The following YTHDC2 variants were observed in gnomAD, a reference collection of about 807,000 sequenced individuals.
The protein encoded by YTHDC2 is YTH N6-methyladenosine RNA binding protein C2.
In YTHDC2, 45 loss-of-function variants were observed where a neutral mutation model predicts 174.9. That is an observed-to-expected ratio of 0.26 (90% CI 0.20 to 0.33). The LOEUF (loss-of-function observed/expected upper bound fraction) is 0.33. Among genes scored for constraint, YTHDC2 ranks in the 10% least tolerant of loss-of-function variants. The pLI is 1.00. For synonymous variants in YTHDC2, 657 were observed against 574.5 expected, an observed-to-expected ratio of 1.14 and a Z score of -2.05; for missense variants, 1,650 against 1,723.7, an observed-to-expected ratio of 0.96 and a Z score of 0.76.
chr5:113,548,930 T>C, intron 11 of YTHDC2, 25 bp from the exon 12 acceptor site: 4 of 1,604,294 alleles, frequency 2.5e-6, no homozygotes, highest in Non-Finnish European at 3.4e-6. Context: ...TGATGACATC[T>C]TATATATCCT....
intron 9 of YTHDC2, among the ~76,000 whole-genome samples, 180 bp downstream of exon 9, chr5:113,541,296 A>C (rs767545462): frequency 6.7e-6 from 1 of 150,298 alleles, no homozygotes; most frequent in Non-Finnish European, 1.5e-5. Context: ...GGTTCACGCC[A>C]TTCTCCTGCC....
At chr5:113,550,695 A>G (rs1431475968) in intron 12 of YTHDC2, among the ~76,000 whole-genome samples, 4 of 152,168 alleles carry the variant, frequency 2.6e-5, no homozygotes, top group Admixed American at 6.6e-5. Flanking sequence ...ACAATAGAAT[A>G]GTCCTAAGCA....
chr5:113,571,009 A>G (rs544402391), intron 23 of YTHDC2, among the ~76,000 whole-genome samples: 1 of 152,170 alleles, frequency 6.6e-6, no homozygotes, highest in African/African-American at 2.4e-5. Context: ...TGAACTTCCA[A>G]TCCTATGTTG....
rs1464742935 is a variant in YTHDC2, at chr5:113,563,465, T to C, written c.2415T>C (p.Ile805=). ...CTCCTGAACCTCCACCAGCTTTAATTGTAAGAAATGCTGTACAAATGCTTA... is the reference window on the plus strand; with the variant it reads ...CTCCTGAACCTCCACCAGCTTTAATCGTAAGAAATGCTGTACAAATGCTTA... ...MKAPEPPPAL[I]VRNAVQMLKT... Residue 805 remains isoleucine, a synonymous_variant, in exon 19 of 30, where the codon ATT becomes ATC. Coordinates refer to ENST00000161863, the MANE Select transcript of YTHDC2 (RefSeq NM_022828.5). 5.6e-6 allele frequency: 9 copies of C among 1,610,158 alleles called. No individual in the cohort carries two copies. The highest frequency in any genetic ancestry group is 5.5e-5 in the South Asian group (5 of 90,116).
chr5:113,539,942 C>A (rs1412587379), intron 8 of YTHDC2, among the ~76,000 whole-genome samples: 2 of 152,062 alleles, frequency 1.3e-5, no homozygotes, highest in Non-Finnish European at 2.9e-5. Context: ...TGTTCTATTA[C>A]TCAGGCTGGA....
intron 3 of YTHDC2, 31 bp from the exon 4 acceptor site, chr5:113,526,555 A>C (rs1774251775): frequency 1.3e-6 from 2 of 1,537,180 alleles, no homozygotes; most frequent in East Asian, 2.4e-5. Flanking sequence ...TGTTGATCAT[A>C]CATTTTTTGT....
intron 4 of YTHDC2, among the ~76,000 whole-genome samples, chr5:113,531,913 A>C (rs1011257177): frequency 6.6e-6 from 1 of 152,206 alleles, no homozygotes; most frequent in East Asian, 1.9e-4. Context: ...CAATTTGATA[A>C]TTTTTTTACT....
At position 113,592,090 on chromosome 5, in the gene YTHDC2, G is replaced by T; in HGVS notation, c.4124G>T (p.Arg1375Leu). 1 of 1,612,988 alleles carries T rather than the reference G, an allele frequency of 6.2e-7. No homozygotes were observed. Among genetic ancestry groups the T allele is most frequent in the Non-Finnish European group, 8.5e-7 (1 of 1,179,496 alleles). Residue 1375 changes from arginine to leucine, a missense_variant, in exon 28 of 30, where the codon CGA (arginine) becomes CTA (leucine). Physicochemically the swap from Arg to Leu is moderately radical, Grantham distance 102. Coordinates refer to ENST00000161863, the MANE Select transcript of YTHDC2 (RefSeq NM_022828.5). The part of the protein sequence containing the change: ...LGGVFKVEWI[R>L]KESLPFQFAH... ...GGAGTATTTAAGGTGGAGTGGATAC[G>T]AAAAGAAAGCCTTCCCTTTCAATTT...
intron 23 of YTHDC2, among the ~76,000 whole-genome samples, chr5:113,577,577 C>CAATA (rs1778133438): frequency 6.6e-6 from 1 of 152,064 alleles, no homozygotes; most frequent in Admixed American, 6.6e-5. Context: ...GCCATGTTGC[C>CAATA]CAGGCTGGTC....
chr5:113,514,762 A>G (rs1054332519), intron 1 of YTHDC2, among the ~76,000 whole-genome samples: 1 of 151,960 alleles, frequency 6.6e-6, no homozygotes, highest in Non-Finnish European at 1.5e-5. Context: ...TTAAAAAAAG[A>G]GAAAGCCTCA....
chr5:113,551,103 T>A (rs1776223919), intron 12 of YTHDC2, among the ~76,000 whole-genome samples: 1 of 152,100 alleles, frequency 6.6e-6, no homozygotes, highest in Non-Finnish European at 1.5e-5. Context: ...AAATGTAGTC[T>A]CAGACATTTG....
At chr5:113,520,659 T>G (rs1020181668) in intron 2 of YTHDC2, among the ~76,000 whole-genome samples, 6 of 152,202 alleles carry the variant, frequency 3.9e-5, no homozygotes, top group Non-Finnish European at 8.8e-5. Context: ...AGTGCACTTT[T>G]TGTTCACAGA....
At chr5:113,571,939 T>G (rs555398248) in intron 23 of YTHDC2, among the ~76,000 whole-genome samples, 6 of 152,336 alleles carry the variant, frequency 3.9e-5, no homozygotes, top group African/African-American at 1.2e-4. Context: ...TTTGCTGATT[T>G]TTTTGGAGGG....
intron 10 of YTHDC2, among the ~76,000 whole-genome samples, chr5:113,542,726 G>T (rs560864033): frequency 6.6e-6 from 1 of 152,300 alleles, no homozygotes; most frequent in African/African-American, 2.4e-5. Flanking sequence ...TGTCTCCATT[G>T]CAGTTTGAAG....
intron 26 of YTHDC2, among the ~76,000 whole-genome samples, chr5:113,586,607 C>A (rs1316455771): frequency 2.0e-5 from 3 of 151,386 alleles, no homozygotes; most frequent in African/African-American, 7.3e-5. Context: ...ATAATTTTCT[C>A]CTATGTTTTT....
At chr5:113,588,663 C>T (rs992833893) in intron 26 of YTHDC2, among the ~76,000 whole-genome samples, 2 of 151,816 alleles carry the variant, frequency 1.3e-5, no homozygotes, top group Admixed American at 6.6e-5. Flanking sequence ...CACTCTGCCA[C>T]CCAGGCTGGA....
At chr5:113,529,958 CTA>C (rs1289850745) in intron 4 of YTHDC2, among the ~76,000 whole-genome samples, 1 of 152,036 alleles carries the variant, frequency 6.6e-6, no homozygotes, top group Non-Finnish European at 1.5e-5. Context: ...TGGGGTATCA[CTA>C]TGTTTCCCAG....
rs745351334 is a variant in YTHDC2, at chr5:113,513,996, A to T, written c.101A>T (p.Lys34Met). ...GGCCCTGGGGGCGGCGGCCGGGCCA[A>T]GGGGCTGAAGGACATTCGCATTGAT... is the stretch of plus-strand genomic sequence containing the variant. ...PCGPGGGGRA[K>M]GLKDIRIDEE... is the part of the protein sequence containing the mutation. Residue 34 changes from lysine to methionine, a missense_variant, in exon 1 of 30, where the codon AAG (lysine) becomes ATG (methionine). Transcript: ENST00000161863. 6.2e-7 allele frequency: 1 copy of T among 1,606,846 alleles called. No individual in the cohort carries two copies. The highest frequency in any genetic ancestry group is 8.5e-7 in the Non-Finnish European group (1 of 1,177,486).
chr5:113,566,895 A>G (rs1489290427), intron 21 of YTHDC2, among the ~76,000 whole-genome samples, 197 bp from the exon 22 acceptor site: 1 of 152,126 alleles, frequency 6.6e-6, no homozygotes, highest in Admixed American at 6.6e-5. Context: ...ACACTTCCCT[A>G]GAATGTTGGT....
Sources: gnomAD v4.1 joint callset for allele counts (sites outside exome capture counted in the v4.1 genomes callset) on GRCh38, gnomAD v4.1.1 for gene constraint, MANE v1.5 for transcripts, NCBI Gene and HGNC (gene_info 2026-07-23, HGNC 2026-07-21) for gene names.